SEZ6L2: variants seen among roughly 807,000 people sequenced by gnomAD.
SEZ6L2 encodes the protein seizure 6-like protein 2.
Under a neutral mutation model 97.0 loss-of-function variants are expected in SEZ6L2, and 44 were observed. The ratio of observed to expected loss-of-function variants is 0.45; its 90% CI spans 0.36 to 0.58. The LOEUF (loss-of-function observed/expected upper bound fraction) is 0.58, where lower values mean the gene tolerates loss of function less well. Ranked by LOEUF, SEZ6L2 falls within the 20% of genes least tolerant of loss-of-function variation. The probability of loss-of-function intolerance (pLI) is 0.00; values close to 1 mark genes in which losing one functional copy is unlikely to be tolerated. For missense variants in SEZ6L2, 1,086 were observed against 1,233.3 expected, an observed-to-expected ratio of 0.88 and a Z score of 1.79; for synonymous variants, 543 against 546.1, an observed-to-expected ratio of 0.99 and a Z score of 0.08.
At chr16:29,887,084 G>A (rs954768624) in intron 7 of SEZ6L2, among the ~76,000 whole-genome samples, 3 of 151,488 alleles carry the variant, frequency 2.0e-5, no homozygotes, top group African/African-American at 4.8e-5. Context: ...AGGAGGCTGA[G>A]GCAGGAGAAT....
Position 29,891,206 on chromosome 16 carries a change from C to G in SEZ6L2, c.854-2481G>C, listed in dbSNP as rs574238166. 3.9e-5 allele frequency among the ~76,000 whole-genome samples: 6 copies of G among 152,226 alleles called. No homozygotes were observed. The East Asian group carries it at 1.2e-3, about 30-fold the overall frequency. ...CTGCCCGCCTCGGCCTCCCAAAGTG[C>G]TGTGATTACAGGCGTGAACCACTGT... On this transcript the variant is annotated intron_variant, in intron 5 of 17. Transcript: ENST00000617533.
At chr16:29,888,382 G>A (rs2068193267) in intron 6 of SEZ6L2, among the ~76,000 whole-genome samples, 158 bp downstream of exon 6, 1 of 152,102 alleles carries the variant, frequency 6.6e-6, no homozygotes, top group Admixed American at 6.5e-5. Flanking sequence ...TCCGCACAAA[G>A]AGCTCTGGCT....
In SEZ6L2 at chr16:29,871,626, G is replaced by A. The variant is rs371362673; in HGVS notation, c.*73C>T. On this transcript the variant is annotated 3_prime_UTR_variant, in exon 18 of 18. Coordinates refer to ENST00000617533, the MANE Select transcript of SEZ6L2 (RefSeq NM_001243332.2). ...GGAGGGCAGCCAGGAGGCAGAGACCGGGTCCCGTATTTCCCTCTGCCCGAA... is the reference window on the plus strand; with the variant it reads ...GGAGGGCAGCCAGGAGGCAGAGACCAGGTCCCGTATTTCCCTCTGCCCGAA... The A allele has an allele frequency of 2.4e-5, 35 of 1,470,916 alleles. No individual in the cohort carries two copies. The highest frequency in any genetic ancestry group is 3.8e-5 in the Admixed American group (2 of 52,628). 91.1% of individuals were successfully genotyped at this position (1,470,916 alleles called of 1,614,324 possible). A position where few individuals can be genotyped will look rare whatever the true frequency, so the allele number is the denominator to read the frequency against.
rs753073374 is a variant in SEZ6L2 at position 29,896,872 on chromosome 16, G to A, written c.461C>T (p.Thr154Met). The A allele has an allele frequency of 4.9e-5, 79 of 1,613,890 alleles. No homozygotes were observed. The highest frequency in any genetic ancestry group is 1.6e-4 in the Middle Eastern group (1 of 6,070). The change falls in exon 3 of 18, where the codon ACG becomes ATG. Residue 154 changes from threonine to methionine, a missense_variant. Coordinates refer to ENST00000617533, the MANE Select transcript of SEZ6L2 (RefSeq NM_001243332.2). ...AGTTGTCGTGGTGATGATGGTGGTC[G>A]TCGTCTCCTCCTCTCCTCCCTCAGG... The part of the protein sequence containing the change: ...LGPEGGEEET[T>M]TTIITTTTVT...
Position 29,895,324 on chromosome 16 carries a change from C to A in SEZ6L2, c.788G>T (p.Arg263Leu), listed in dbSNP as rs138866600. 2.5e-6 allele frequency: 4 copies of A among 1,614,002 alleles called. No homozygotes were observed. In the African/African-American group the frequency reaches 4.0e-5, roughly 16 times the overall value. ...TGGGCTCTGGAAGTGCAGAAGCAGC[C>A]GGTTGGTTGGGCTCCGAAGGACTTG... The part of the protein sequence containing the change: ...EGQVLRSPTN[R>L]LLLHFQSPRV... Residue 263 changes from arginine (R) to leucine (L), a missense_variant, in exon 5 of 18, where the codon CGG becomes CTG. Physicochemically the swap from Arg to Leu is moderately radical, Grantham distance 102. Transcript: ENST00000617533.
chr16:29,885,813 T>C, intron 7 of SEZ6L2, 64 bp from the exon 8 acceptor site: 4 of 1,515,012 alleles, frequency 2.6e-6, no homozygotes, highest in Non-Finnish European at 3.6e-6. Context: ...ACCCCTTGCC[T>C]GCTTTCCTAA....
At chr16:29,887,500 G>A (rs956253894) in intron 7 of SEZ6L2, 149 bp downstream of exon 7, 5 of 524,078 alleles carry the variant, frequency 9.5e-6, no homozygotes, top group Non-Finnish European at 1.6e-5. Context: ...TTTTAGTAGA[G>A]ATGGGGTTTC....
rs201585416 is a variant in SEZ6L2 at position 29,895,831 on chromosome 16, C to T, written c.541G>A (p.Glu181Lys). 2.7e-5 allele frequency: 43 copies of T among 1,613,652 alleles called. No homozygotes were observed. Among genetic ancestry groups the T allele is most frequent in the East Asian group, 4.5e-5 (2 of 44,880 alleles). Reference protein sequence around the residue: ...VLCNNNISEGEGYVESPDLGS... With the variant: ...VLCNNNISEGKGYVESPDLGS... ...AGATCTGGAGACTCCACATACCCTT[C>T]GCCCTCGGAGATGTTGTTATTACAC... The change falls in exon 4 of 18, where the codon GAA becomes AAA. Residue 181 changes from glutamate to lysine, a missense_variant. Physicochemically the swap from Glu to Lys is moderately conservative, Grantham distance 56. Around this residue, in one of 2 missense-constraint regions of SEZ6L2, gnomAD observed 776 missense variants for 794.7 expected, o/e 0.98. Transcript: ENST00000617533.
At chr16:29,884,783 C>T (rs952365109) in intron 8 of SEZ6L2, among the ~76,000 whole-genome samples, 2 of 151,736 alleles carry the variant, frequency 1.3e-5, no homozygotes, top group Admixed American at 1.3e-4. Flanking sequence ...CATGGTGGCG[C>T]ATGCCTGTAA....
chr16:29,889,609 A>C (rs1392908979), intron 5 of SEZ6L2, among the ~76,000 whole-genome samples: 1 of 139,610 alleles, frequency 7.2e-6, no homozygotes, highest in African/African-American at 2.6e-5. Context: ...AACCACTTGA[A>C]ACTTCTTTTT....
chr16:29,885,066 G>C (rs1468660149), intron 8 of SEZ6L2, among the ~76,000 whole-genome samples: 2 of 151,952 alleles, frequency 1.3e-5, no homozygotes, highest in Admixed American at 1.3e-4. Flanking sequence ...AAATTAGTCG[G>C]GCGCGGTGGC....
At chr16:29,877,508 T>C in intron 10 of SEZ6L2, 41 bp from the exon 11 acceptor site, 1 of 1,520,080 alleles carries the variant, frequency 6.6e-7, no homozygotes, top group East Asian at 2.3e-5. Flanking sequence ...GGGCTGCGAC[T>C]GGCCCCTCCC....
chr16:29,884,225 A>G (rs2068085525), intron 8 of SEZ6L2, among the ~76,000 whole-genome samples: 1 of 152,150 alleles, frequency 6.6e-6, no homozygotes, highest in African/African-American at 2.4e-5. Flanking sequence ...AGTCAGGTCA[A>G]TGAACGCCTC....
rs532570247 is a variant in SEZ6L2, at chr16:29,878,993, C to T, written c.1574-568G>A. On this transcript the variant is annotated intron_variant, in intron 9 of 17. Transcript: ENST00000617533. ...TCCCGGCTCACTGCAATCTCCACCT[C>T]GCAGACTCAAGCGATTCTCGTGCCT... Among the ~76,000 whole-genome samples, 6 of 152,088 alleles carry T rather than the reference C, an allele frequency of 3.9e-5. No homozygotes were observed. The South Asian group carries it at 1.2e-3, about 32-fold the overall frequency.
intron 5 of SEZ6L2, among the ~76,000 whole-genome samples, chr16:29,890,327 G>A (rs574376816): frequency 5.9e-5 from 9 of 152,320 alleles, no homozygotes; most frequent in Non-Finnish European, 1.2e-4. Context: ...GTCCTCAGGA[G>A]TCCATTGTCT....
rs1156891302 is a variant in SEZ6L2, at chr16:29,883,261, ATTTC to A, written c.1372+2321_1372+2324del. 2.8e-3 allele frequency among the ~76,000 whole-genome samples: 425 copies of A among 151,970 alleles called. 1 individual carries two copies. The highest frequency in any genetic ancestry group is 9.8e-3 in the African/African-American group (408 of 41,466). ...ATTCTGTTTCCCAGACATACCAGGCATTTCCCTACTTGCTGTTTCTCAAAGTTCC... is the reference window on the plus strand; with the variant it reads ...ATTCTGTTTCCCAGACATACCAGGCACCTACTTGCTGTTTCTCAAAGTTCC... On this transcript the variant is annotated intron_variant, in intron 8 of 17. Coordinates refer to ENST00000617533, the MANE Select transcript of SEZ6L2 (RefSeq NM_001243332.2).
At position 29,873,810 on chromosome 16, in the gene SEZ6L2, C is replaced by CA. The variant is rs2067841622; in HGVS notation, c.2105-82dup. The CA allele has an allele frequency of 1.7e-5, 23 of 1,334,750 alleles. No individual in the cohort carries two copies. Among genetic ancestry groups the CA allele is most frequent in the Middle Eastern group, 2.1e-4 (1 of 4,726 alleles). The allele number at this position is 1,334,750 out of a possible 1,614,324, so 82.7% of individuals were successfully genotyped here. ...GCAACACAGAGAGACCCCATCTCTACAAAAAATTGAAAAATTAGCCAGGAG... is the reference window on the plus strand; with the variant it reads ...GCAACACAGAGAGACCCCATCTCTACAAAAAAATTGAAAAATTAGCCAGGAG... On this transcript the variant is annotated intron_variant, in intron 12 of 17. Coordinates refer to ENST00000617533, the MANE Select transcript of SEZ6L2 (RefSeq NM_001243332.2). The surrounding 1 kb of genome is among the most constrained non-coding windows in gnomAD (Gnocchi z 4.3).
In SEZ6L2 at chr16:29,878,337, C is replaced by T; in HGVS notation, c.1662G>A (p.Val554=). The change falls in exon 10 of 18, where the codon GTG becomes GTA. Residue 554 remains valine, a synonymous_variant. Transcript: ENST00000617533. ...TCTCTTCCTGGACGTGCACGCCCCACACGCAGTCTTGGCCCGGGCTATAGC... is the reference window on the plus strand; with the variant it reads ...TCTCTTCCTGGACGTGCACGCCCCATACGCAGTCTTGGCCCGGGCTATAGC... ...PQSYSPGQDC[V]WGVHVQEEKR... The T allele has an allele frequency of 1.2e-6, 2 of 1,603,190 alleles. No individual in the cohort carries two copies. Among genetic ancestry groups the T allele is most frequent in the Non-Finnish European group, 1.7e-6 (2 of 1,174,472 alleles).
intron 8 of SEZ6L2, among the ~76,000 whole-genome samples, chr16:29,885,358 A>T (rs913928885): frequency 7.9e-5 from 12 of 152,160 alleles, no homozygotes; most frequent in Admixed American, 7.9e-4. Flanking sequence ...TGGGCTATGT[A>T]CCTGGATCCA....
Sources: gnomAD v4.1 joint callset for allele counts (sites outside exome capture counted in the v4.1 genomes callset) on GRCh38, gnomAD v4.1.1 for gene constraint, gnomAD v4.1.1 regional missense constraint, Gnocchi (gnomAD v3.1) non-coding constraint, MANE v1.5 for transcripts, NCBI Gene and HGNC (gene_info 2026-07-23, HGNC 2026-07-21) for gene names.